The following COL22A1 variants were observed in gnomAD, a reference collection of about 807,000 sequenced individuals.
COL22A1 encodes collagen alpha-1(XXII) chain.
COL22A1 carries 221 observed loss-of-function variants against 248.9 expected under a neutral mutation model. The observed-to-expected ratio is 0.89, with a 90% CI of 0.80 to 0.99. The LOEUF (loss-of-function observed/expected upper bound fraction) is 0.99. COL22A1 is among the 50% of genes least tolerant of loss of function. The pLI, the probability that COL22A1 is intolerant of heterozygous loss-of-function variation, is 0.00. For missense variants in COL22A1, 2,240 were observed against 2,179.0 expected (o/e 1.03, Z -0.56); for synonymous variants, 891 against 793.4 (o/e 1.12, Z -2.07).
intron 9 of COL22A1, among the ~76,000 whole-genome samples, chr8:138,810,681 C>T (rs183264395): frequency 6.6e-6 from 1 of 152,316 alleles, no homozygotes; most frequent in East Asian, 1.9e-4. Context: ...TTCCCTGTAC[C>T]TCACGGTCTG....
intron 2 of COL22A1, among the ~76,000 whole-genome samples, chr8:138,880,257 C>T (rs1454761885): frequency 1.3e-5 from 2 of 152,184 alleles, no homozygotes; most frequent in East Asian, 1.9e-4. Flanking sequence ...AGCATGGATA[C>T]ACTTTTCCAA....
Position 138,676,637 on chromosome 8 carries a change from T to C in COL22A1, c.3073-2A>G. ...GATCCCAGGAGCTCCTCGATCCCCCTAGAAAGAGAGAAAAATAAGATCAAG... is the reference window on the plus strand; with the variant it reads ...GATCCCAGGAGCTCCTCGATCCCCCCAGAAAGAGAGAAAAATAAGATCAAG... On this transcript the variant is annotated splice_acceptor_variant, in intron 40 of 64. Transcript: ENST00000303045. LOFTEE classifies it high-confidence loss of function. The C allele has an allele frequency of 6.4e-7, 1 of 1,557,756 alleles. No homozygotes were observed. The highest frequency in any genetic ancestry group is 1.2e-5 in the South Asian group (1 of 84,620).
chr8:138,713,343 C>A (rs982140684), intron 30 of COL22A1, among the ~76,000 whole-genome samples: 5 of 152,092 alleles, frequency 3.3e-5, no homozygotes, highest in African/African-American at 1.2e-4. Flanking sequence ...TGCCTTAGTT[C>A]TTTCACCTAT....
At chr8:138,885,286 G>A (rs936408094) in intron 1 of COL22A1, among the ~76,000 whole-genome samples, 1 of 152,140 alleles carries the variant, frequency 6.6e-6, no homozygotes, top group Admixed American at 6.5e-5. Flanking sequence ...ACTCCCTATG[G>A]AGTGGCTGTT....
In COL22A1 at chr8:138,755,102, C is replaced by G. The variant is rs2318339; in HGVS notation, c.2031+55G>C. The G allele has an allele frequency of 0.021, 32,025 of 1,555,746 alleles. 5,225 individuals carry two copies. The African/African-American group carries it at 0.37, about 18-fold the overall frequency. The stretch of plus-strand genomic sequence containing the variant: ...CGGGAATGACTCTGATCTTCCAAAC[C>G]CATTGGTAAGAGAAGCGTGCAGAGC... On this transcript the variant is annotated intron_variant, in intron 21 of 64. Coordinates refer to ENST00000303045, the MANE Select transcript of COL22A1 (RefSeq NM_152888.3).
intron 1 of COL22A1, among the ~76,000 whole-genome samples, chr8:138,898,479 T>C (rs1231731618): frequency 6.6e-6 from 1 of 152,146 alleles, no homozygotes; most frequent in African/African-American, 2.4e-5. Flanking sequence ...TTGCCTTAAA[T>C]GCCCATAAGT....
At chr8:138,883,488 T>C (rs1416025705) in intron 1 of COL22A1, among the ~76,000 whole-genome samples, 1 of 151,894 alleles carries the variant, frequency 6.6e-6, no homozygotes, top group African/African-American at 2.4e-5. Context: ...CAGAAGGGAG[T>C]AGGAGAGGGC....
intron 52 of COL22A1, among the ~76,000 whole-genome samples, chr8:138,622,051 G>A (rs1819853077): frequency 6.6e-6 from 1 of 152,224 alleles, no homozygotes; most frequent in Admixed American, 6.5e-5. Context: ...AGTTGTGTAA[G>A]ATTCAGAATG....
At chr8:138,609,346 A>T (rs1818678640) in intron 56 of COL22A1, among the ~76,000 whole-genome samples, 1 of 152,194 alleles carries the variant, frequency 6.6e-6, no homozygotes, top group Non-Finnish European at 1.5e-5. Context: ...GACATGCCTT[A>T]TGGGTCAGCG....
intron 53 of COL22A1, among the ~76,000 whole-genome samples, chr8:138,619,030 A>AT (rs1386918698): frequency 2.0e-5 from 3 of 152,184 alleles, no homozygotes; most frequent in African/African-American, 7.2e-5. Context: ...TCTCAATACC[A>AT]TTTTTTGTAT....
chr8:138,789,300 G>C lies in COL22A1; in HGVS notation c.1596+7519C>G, dbSNP rs532206572. Among the ~76,000 whole-genome samples, 13 of 152,336 alleles carry C rather than the reference G, an allele frequency of 8.5e-5. No homozygotes were observed. In the East Asian group the frequency reaches 2.5e-3, roughly 29 times the overall value. ...TTGCCCCTAACCTACAAGGCTATTT[G>C]AGGGCACATAAGCAGCTAAACTAAT... On this transcript the variant is annotated intron_variant, in intron 12 of 64. Transcript: ENST00000303045.
In COL22A1 at chr8:138,594,047, C is replaced by T. The variant is rs1210991409; in HGVS notation, c.4585G>A (p.Glu1529Lys). Residue 1529 changes from glutamate (E) to lysine (K), a missense_variant, in exon 63 of 65, where the codon GAA becomes AAA. Transcript: ENST00000303045. ...GGACCTATGGGTCCAGAGGGTCCTT[C>T]CAGACCCCCCTGCCCAGGACGACCT... ...EPGRPGQGGL[E>K]GPSGPIGPKG... 6.3e-7 allele frequency: 1 copy of T among 1,588,632 alleles called. No individual in the cohort carries two copies. The highest frequency in any genetic ancestry group is 1.9e-5 in the Admixed American group (1 of 52,758).
At chr8:138,691,098 G>A (rs573920038) in intron 35 of COL22A1, among the ~76,000 whole-genome samples, 1 of 152,304 alleles carries the variant, frequency 6.6e-6, no homozygotes, top group African/African-American at 2.4e-5. Flanking sequence ...AAGGCAGGAG[G>A]GCAGGAGGAC....
Position 138,779,516 on chromosome 8 carries a change from C to A in COL22A1, c.1697G>T (p.Gly566Val). The A allele has an allele frequency of 6.2e-7, 1 of 1,612,294 alleles. No individual in the cohort carries two copies. The highest frequency in any genetic ancestry group is 8.5e-7 in the Non-Finnish European group (1 of 1,178,424). The change falls in exon 14 of 65, where the codon GGC (glycine) becomes GTC (valine). Residue 566 changes from glycine to valine, a missense_variant. Transcript: ENST00000303045. Reference protein sequence around the residue: ...LGEPGLPGEVGMRGPQGPPGL... With the variant: ...LGEPGLPGEVVMRGPQGPPGL... ...GCTCACAGCAACACTCACCCGCATG[C>A]CGACCTCACCCGGCAGCCCCGGCTC...
intron 48 of COL22A1, among the ~76,000 whole-genome samples, chr8:138,635,397 T>C (rs1428539202): frequency 1.3e-5 from 2 of 152,182 alleles, no homozygotes; most frequent in Non-Finnish European, 2.9e-5. Context: ...TAAATGTTCA[T>C]TTTATTACAG....
chr8:138,856,054 G>T (rs1018761096), intron 3 of COL22A1, among the ~76,000 whole-genome samples: 1 of 152,226 alleles, frequency 6.6e-6, no homozygotes, highest in Non-Finnish European at 1.5e-5. Context: ...TGGGGGACTT[G>T]CAGAAAAAGG....
At chr8:138,709,436 C>T (rs1216743579) in intron 30 of COL22A1, among the ~76,000 whole-genome samples, 1 of 152,090 alleles carries the variant, frequency 6.6e-6, no homozygotes, top group Non-Finnish European at 1.5e-5. Flanking sequence ...GGCACATATA[C>T]ACCATGGAAT....
intron 22 of COL22A1, among the ~76,000 whole-genome samples, chr8:138,745,191 T>G (rs1223011094): frequency 1.1e-5 from 1 of 90,130 alleles, no homozygotes; most frequent in Non-Finnish European, 2.4e-5. Flanking sequence ...CCAACTTTTC[T>G]TTTTTTTTTT....
chr8:138,834,751 A>G (rs1192519605), intron 4 of COL22A1, among the ~76,000 whole-genome samples: 2 of 152,222 alleles, frequency 1.3e-5, no homozygotes, highest in African/African-American at 4.8e-5. Context: ...AGCACTTTTT[A>G]TATTTACTGT....
Sources: allele counts gnomAD v4.1 joint callset (sites outside exome capture counted in the v4.1 genomes callset), GRCh38; gene constraint gnomAD v4.1.1; transcripts MANE v1.5; gene names NCBI Gene and HGNC (gene_info 2026-07-23, HGNC 2026-07-21).